Variants in SPATA17 observed in about 807,000 individuals in gnomAD.
SPATA17 encodes spermatogenesis-associated protein 17.
A neutral mutation model predicts 62.2 loss-of-function variants in SPATA17; 53 were observed. The ratio of observed to expected loss-of-function variants is 0.85; its 90% confidence interval spans 0.68 to 1.07. The LOEUF is 1.07. Among genes scored for constraint, SPATA17 ranks in the 50% least tolerant of loss-of-function variants. The pLI is 0.00. For synonymous variants in SPATA17, 146 were observed against 146.8 expected (o/e 0.99, Z 0.04); for missense variants, 466 against 425.5 (o/e 1.10, Z -0.84).
At chr1:217,800,191 A>G (rs549047071) in intron 8 of SPATA17, among the ~76,000 whole-genome samples, 3 of 152,194 alleles carry the variant, frequency 2.0e-5, no homozygotes, top group Non-Finnish European at 4.4e-5. Context: ...TATAAAAATT[A>G]GATTAGAAAC....
chr1:217,744,800 A>G (rs1672709852), intron 6 of SPATA17, among the ~76,000 whole-genome samples: 1 of 152,174 alleles, frequency 6.6e-6, no homozygotes, highest in East Asian at 1.9e-4. Context: ...AGGGTAATAT[A>G]TTAGGAGATT....
At chr1:217,849,073 T>C (rs1675589504) in intron 9 of SPATA17, among the ~76,000 whole-genome samples, 1 of 152,218 alleles carries the variant, frequency 6.6e-6, no homozygotes, top group African/African-American at 2.4e-5. Flanking sequence ...TAGATTTTAG[T>C]GATGCTTGGT....
intron 8 of SPATA17, among the ~76,000 whole-genome samples, chr1:217,784,101 A>G (rs2102978019): frequency 6.6e-6 from 1 of 152,060 alleles, no homozygotes; most frequent in African/African-American, 2.4e-5. Context: ...TTTTTTTCAT[A>G]GCTTCTTCTG....
chr1:217,661,460 G>A (rs1167257470), intron 3 of SPATA17, among the ~76,000 whole-genome samples: 2 of 152,090 alleles, frequency 1.3e-5, no homozygotes, highest in African/African-American at 4.8e-5. Context: ...TTCTCATGGT[G>A]ACATCAAATA....
At chr1:217,785,546 G>A (rs528733599) in intron 8 of SPATA17, among the ~76,000 whole-genome samples, 10 of 152,142 alleles carry the variant, frequency 6.6e-5, no homozygotes, top group Admixed American at 3.3e-4. Flanking sequence ...AAATCTGCCC[G>A]CATGATCCAA....
intron 9 of SPATA17, among the ~76,000 whole-genome samples, chr1:217,805,912 C>T (rs947924184): frequency 4.7e-4 from 72 of 152,104 alleles, no homozygotes; most frequent in African/African-American, 1.7e-3. Context: ...GTCAATTATA[C>T]CTCAGTAAAG....
intron 6 of SPATA17, among the ~76,000 whole-genome samples, chr1:217,749,979 C>A (rs370419735): frequency 0.12 from 3,466 of 29,606 alleles, 102 homozygotes; most frequent in Non-Finnish European, 0.14. Flanking sequence ...CTCTCTCTCT[C>A]TCTCTCTATA....
intron 4 of SPATA17, among the ~76,000 whole-genome samples, chr1:217,670,029 C>T (rs939670804): frequency 2.0e-5 from 3 of 152,134 alleles, no homozygotes; most frequent in Non-Finnish European, 4.4e-5. Flanking sequence ...TGCTGCTTTT[C>T]TTGAGCCAGA....
intron 3 of SPATA17, among the ~76,000 whole-genome samples, chr1:217,659,187 A>AAC (rs10546517): frequency 0.063 from 9,170 of 144,558 alleles, 346 homozygotes; most frequent in African/African-American, 0.11. Flanking sequence ...TGCCCATCAA[A>AAC]ACACACACAC....
chr1:217,711,973 G>T lies in SPATA17; in HGVS notation c.395+28612G>T, dbSNP rs1671876288. 2.6e-5 allele frequency among the ~76,000 whole-genome samples: 4 copies of T among 152,072 alleles called. No homozygotes were observed. In the South Asian group the frequency reaches 8.3e-4, roughly 32 times the overall value. On this transcript the variant is annotated intron_variant, in intron 5 of 10. Coordinates refer to ENST00000366933, the MANE Select transcript of SPATA17 (RefSeq NM_138796.4). Reference sequence around the variant, plus strand: ...GATATGTTCTTGGAAGTAACATGTTGGTAGATCCAGCAGTACATTTTTAGA... The same window carrying T: ...GATATGTTCTTGGAAGTAACATGTTTGTAGATCCAGCAGTACATTTTTAGA...
chr1:217,743,608 T>A (rs1672675814), intron 6 of SPATA17, among the ~76,000 whole-genome samples: 1 of 148,832 alleles, frequency 6.7e-6, no homozygotes, highest in African/African-American at 2.5e-5. Flanking sequence ...AAATCATTCT[T>A]TTTTTTTTTA....
At chr1:217,861,020 A>C (rs1367944156) in intron 9 of SPATA17, among the ~76,000 whole-genome samples, 2 of 152,078 alleles carry the variant, frequency 1.3e-5, no homozygotes, top group Admixed American at 1.3e-4. Context: ...GTATACATTT[A>C]TGACTAATCC....
chr1:217,746,873 AT>A (rs1672769062), intron 6 of SPATA17, among the ~76,000 whole-genome samples: 1 of 152,030 alleles, frequency 6.6e-6, no homozygotes, highest in South Asian at 2.1e-4. Flanking sequence ...GTATATGTTT[AT>A]TTCAATCAGA....
chr1:217,819,941 CAATTTAGAATGT>C (rs948676879), intron 9 of SPATA17, among the ~76,000 whole-genome samples: 4 of 151,972 alleles, frequency 2.6e-5, no homozygotes, highest in African/African-American at 9.7e-5. Flanking sequence ...GTATGCTAGA[CAATTTAGAATGT>C]AAATTAATCA....
chr1:217,800,841 A>G (rs1227083381), intron 8 of SPATA17, among the ~76,000 whole-genome samples: 1 of 151,992 alleles, frequency 6.6e-6, no homozygotes, highest in Non-Finnish European at 1.5e-5. Flanking sequence ...TAGGTTTATA[A>G]CTTTTTAAAA....
chr1:217,636,580 T>A (rs1251019674), intron 1 of SPATA17, among the ~76,000 whole-genome samples: 1 of 151,452 alleles, frequency 6.6e-6, no homozygotes, highest in Admixed American at 6.6e-5. Flanking sequence ...ACCCAGCTAA[T>A]TTTTTTTTCT....
intron 1 of SPATA17, among the ~76,000 whole-genome samples, chr1:217,631,866 C>T (rs1240557628): frequency 6.6e-6 from 1 of 152,124 alleles, no homozygotes; most frequent in Non-Finnish European, 1.5e-5. Flanking sequence ...CTCAATTGTT[C>T]TATGACTCAT....
At chr1:217,723,216 C>T (rs956771389) in intron 5 of SPATA17, among the ~76,000 whole-genome samples, 6 of 152,270 alleles carry the variant, frequency 3.9e-5, no homozygotes, top group Middle Eastern at 6.8e-3. Flanking sequence ...TCCAATTTAT[C>T]TTATGAAAGG....
intron 6 of SPATA17, among the ~76,000 whole-genome samples, chr1:217,764,608 A>G (rs569520313): frequency 1.3e-5 from 2 of 152,162 alleles, no homozygotes; most frequent in Non-Finnish European, 2.9e-5. Context: ...GCTAGATTAT[A>G]TGATAAGAGT....
Sources: gnomAD v4.1 joint callset for allele counts (sites outside exome capture counted in the v4.1 genomes callset) on GRCh38, gnomAD v4.1.1 for gene constraint, MANE v1.5 for transcripts, NCBI Gene and HGNC (gene_info 2026-07-23, HGNC 2026-07-21) for gene names.